Variants in FUT9 observed in about 807,000 individuals in gnomAD.
FUT9 encodes the protein fucosyltransferase 9, also known as 4-galactosyl-N-acetylglucosaminide 3-alpha-L-fucosyltransferase 9.
In FUT9, 15 loss-of-function variants were observed where a neutral mutation model predicts 29.7. The observed-to-expected ratio is 0.51, with a 90% CI of 0.34 to 0.78. FUT9 has a LOEUF of 0.78. Ranked by LOEUF, FUT9 falls within the 30% of genes least tolerant of loss-of-function variation. FUT9 has a pLI of 0.01. For missense variants in FUT9, 319 were observed against 425.4 expected (o/e 0.75, Z 2.20); for synonymous variants, 169 against 153.7 (o/e 1.10, Z -0.74).
intron 2 of FUT9, among the ~76,000 whole-genome samples, chr6:96,146,381 C>T (rs1772567978): frequency 6.6e-6 from 1 of 152,104 alleles, no homozygotes; most frequent in South Asian, 2.1e-4. Flanking sequence ...ATTAATGATG[C>T]TGGTTACCTT....
chr6:96,115,719 A>G (rs1771898130), intron 2 of FUT9, among the ~76,000 whole-genome samples: 1 of 152,230 alleles, frequency 6.6e-6, no homozygotes, highest in Non-Finnish European at 1.5e-5. Context: ...TCAAAGGAGC[A>G]CATGACTTTA....
At chr6:96,123,728 T>C (rs1772076269) in intron 2 of FUT9, among the ~76,000 whole-genome samples, 1 of 152,134 alleles carries the variant, frequency 6.6e-6, no homozygotes, top group Admixed American at 6.5e-5. Flanking sequence ...GACTACTTGC[T>C]ACCATAGCTA....
intron 1 of FUT9, among the ~76,000 whole-genome samples, chr6:96,024,591 CTGACTCAG>C (rs1181129508): frequency 6.6e-6 from 1 of 151,766 alleles, no homozygotes; most frequent in Non-Finnish European, 1.5e-5. Flanking sequence ...TGACCTCTGG[CTGACTCAG>C]TCTTGGCTCA....
At chr6:96,124,439 T>C (rs771385454) in intron 2 of FUT9, among the ~76,000 whole-genome samples, 5 of 152,158 alleles carry the variant, frequency 3.3e-5, no homozygotes, top group Admixed American at 6.5e-5. Context: ...CGTGAGCCAC[T>C]GTGCCTGACC....
At chr6:96,108,818 C>T (rs149392662) in intron 1 of FUT9, among the ~76,000 whole-genome samples, 1 of 151,948 alleles carries the variant, frequency 6.6e-6, no homozygotes, top group Non-Finnish European at 1.5e-5. Context: ...AAGCCAGACA[C>T]ACACACACCG....
intron 2 of FUT9, among the ~76,000 whole-genome samples, chr6:96,158,685 A>T (rs1428866231): frequency 1.3e-5 from 2 of 152,072 alleles, no homozygotes; most frequent in African/African-American, 4.8e-5. Flanking sequence ...AAGAATCTCC[A>T]ACCATCTCTT....
chr6:96,111,228 A>G (rs920212758), intron 1 of FUT9, among the ~76,000 whole-genome samples: 6 of 152,184 alleles, frequency 3.9e-5, no homozygotes, highest in African/African-American at 1.4e-4. Flanking sequence ...AATGCTTTAA[A>G]TAACAGAAAT....
intron 1 of FUT9, among the ~76,000 whole-genome samples, chr6:96,095,544 A>T (rs1057075278): frequency 2.6e-5 from 4 of 152,190 alleles, no homozygotes; most frequent in African/African-American, 9.7e-5. Flanking sequence ...TGACAAAGTT[A>T]GTCCCTTTTT....
intron 1 of FUT9, among the ~76,000 whole-genome samples, chr6:96,078,683 G>A (rs1216612860): frequency 2.0e-5 from 3 of 151,886 alleles, no homozygotes; most frequent in Non-Finnish European, 2.9e-5. Context: ...GCCTCCCAAA[G>A]TGCTGGGATT....
intron 1 of FUT9, chr6:96,020,862 G>GA (rs892063572): frequency 6.6e-6 from 1 of 152,132 alleles, no homozygotes; most frequent in Non-Finnish European, 1.5e-5. Flanking sequence ...TGGATGAGAG[G>GA]AAAACTACAC....
chr6:96,042,868 T>C (rs1272524991), intron 1 of FUT9, among the ~76,000 whole-genome samples: 1 of 152,224 alleles, frequency 6.6e-6, no homozygotes, highest in Non-Finnish European at 1.5e-5. Flanking sequence ...TAAGACTTAA[T>C]TTATTAAGCT....
At chr6:96,033,182 T>A (rs186729050) in intron 1 of FUT9, among the ~76,000 whole-genome samples, 484 of 151,806 alleles carry the variant, frequency 3.2e-3, no homozygotes, top group Middle Eastern at 6.8e-3. Context: ...TGAAAAAATA[T>A]TAAAAGCTTA....
chr6:96,163,014 T>G (rs1772941789), intron 2 of FUT9, among the ~76,000 whole-genome samples: 1 of 152,164 alleles, frequency 6.6e-6, no homozygotes, highest in African/African-American at 2.4e-5. Flanking sequence ...AAGGTTATTT[T>G]CCTCTCCCTC....
intron 2 of FUT9, among the ~76,000 whole-genome samples, chr6:96,148,914 G>A (rs915615106): frequency 6.6e-6 from 1 of 152,128 alleles, no homozygotes; most frequent in South Asian, 2.1e-4. Context: ...CAGCACTTTG[G>A]GAGGCAGAGG....
At chr6:96,051,195 C>T (rs1438331792) in intron 1 of FUT9, among the ~76,000 whole-genome samples, 1 of 151,876 alleles carries the variant, frequency 6.6e-6, no homozygotes, top group East Asian at 1.9e-4. Flanking sequence ...TATATTATAC[C>T]TAATTTACAT....
chr6:96,091,793 C>T (rs1771415590), intron 1 of FUT9, among the ~76,000 whole-genome samples: 1 of 151,928 alleles, frequency 6.6e-6, no homozygotes, highest in Admixed American at 6.6e-5. Context: ...TGGAAATTTT[C>T]CATTTAAAAA....
chr6:96,038,762 T>G (rs757350163), intron 1 of FUT9, among the ~76,000 whole-genome samples: 22 of 152,168 alleles, frequency 1.4e-4, no homozygotes, highest in Non-Finnish European at 3.2e-4. Context: ...ATCTAGTTCT[T>G]GTTTATGTCA....
At chr6:96,183,186 A>G (rs1040813524) in intron 2 of FUT9, among the ~76,000 whole-genome samples, 12 of 151,366 alleles carry the variant, frequency 7.9e-5, no homozygotes, top group African/African-American at 2.7e-4. Flanking sequence ...TAAGTATTTC[A>G]TTTTTTTTAT....
At chr6:96,176,787 C>T (rs188903477) in intron 2 of FUT9, among the ~76,000 whole-genome samples, 168 of 152,244 alleles carry the variant, frequency 1.1e-3, no homozygotes, top group South Asian at 7.5e-3. Context: ...ATCTGGGACT[C>T]TCCAGGAAGG....
Sources: allele counts gnomAD v4.1 joint callset (sites outside exome capture counted in the v4.1 genomes callset), GRCh38; gene constraint gnomAD v4.1.1; transcripts MANE v1.5; gene names NCBI Gene and HGNC (gene_info 2026-07-23, HGNC 2026-07-21).